The following NFILZ variants were observed in gnomAD, a reference collection of about 807,000 sequenced individuals.
NFILZ encodes NFIL3 like basic leucine zipper.
rs367777602 is a variant in NFILZ at position 8,631,830 on chromosome 19, T to TTATGTGTGTGTGTGTG, written c.-410-645_-410-644insATGTGTGTGTGTGTGT. ...GGCTTGGTCACTCCAGTCCTCGCTT[T>TTATGTGTGTGTGTGTG]TGTGTGTGTGTGTGTGTGTGTGTGT... On this transcript the variant is annotated intron_variant, in intron 1 of 5. Transcript: ENST00000691075. 5.1e-4 allele frequency among the ~76,000 whole-genome samples: 75 copies of TTATGTGTGTGTGTGTG among 146,008 alleles called. 1 individual carries two copies. Among genetic ancestry groups the TTATGTGTGTGTGTGTG allele is most frequent in the African/African-American group, 1.7e-3 (67 of 39,188 alleles).
intron 3 of NFILZ, among the ~76,000 whole-genome samples, chr19:8,673,409 G>A (rs150572324): frequency 3.8e-4 from 58 of 152,270 alleles, no homozygotes; most frequent in African/African-American, 1.3e-3. Context: ...AACCCAGGGC[G>A]TCCCGTCTGG....
chr19:8,672,052 C>T (rs1315364721), intron 3 of NFILZ, among the ~76,000 whole-genome samples: 1 of 152,224 alleles, frequency 6.6e-6, no homozygotes, highest in Non-Finnish European at 1.5e-5. Context: ...CTCATTCATT[C>T]ATTCATTTAC....
chr19:8,646,512 G>C (rs2042939807), intron 3 of NFILZ, among the ~76,000 whole-genome samples: 1 of 152,144 alleles, frequency 6.6e-6, no homozygotes, highest in Non-Finnish European at 1.5e-5. Context: ...AAGGAGTTCT[G>C]ACTGTTTCCC....
intron 3 of NFILZ, among the ~76,000 whole-genome samples, chr19:8,636,720 G>A (rs1283459567): frequency 6.6e-6 from 1 of 151,884 alleles, no homozygotes; most frequent in African/African-American, 2.4e-5. Flanking sequence ...GCCTCCCAAA[G>A]TGCTGGGATT....
At chr19:8,671,887 A>T (rs1370976) in intron 3 of NFILZ, among the ~76,000 whole-genome samples, 1 of 151,866 alleles carries the variant, frequency 6.6e-6, no homozygotes, top group African/African-American at 2.4e-5. Context: ...GGGGGACCCC[A>T]AGTGAGGGCT....
intron 3 of NFILZ, among the ~76,000 whole-genome samples, chr19:8,650,099 A>T (rs1555747548): frequency 6.6e-6 from 1 of 150,668 alleles, no homozygotes; most frequent in East Asian, 2.0e-4. Context: ...TGGCCAGCTG[A>T]GCAAGACTCC....
intron 3 of NFILZ, among the ~76,000 whole-genome samples, chr19:8,653,011 C>CCTTTCTTT (rs1568420439): frequency 3.8e-5 from 2 of 52,894 alleles, no homozygotes; most frequent in African/African-American, 1.6e-4. Flanking sequence ...TTCCTTCCTT[C>CCTTTCTTT]CTTTCTTTCT....
At position 8,680,063 on chromosome 19, in the gene NFILZ, G is replaced by A. The variant is rs2146179925; in HGVS notation, c.*2428G>A. Among the ~76,000 whole-genome samples the A allele has an allele frequency of 6.6e-6, 1 of 152,036 alleles. No homozygotes were observed. Among genetic ancestry groups the A allele is most frequent in the East Asian group, 1.9e-4 (1 of 5,160 alleles). ...ATACAAAAATTAGCCGGGCATGGTAGCGAGCGCCTGTAATCTCAGCTACTT... is the reference window on the plus strand; with the variant it reads ...ATACAAAAATTAGCCGGGCATGGTAACGAGCGCCTGTAATCTCAGCTACTT... On this transcript the variant is annotated 3_prime_UTR_variant, in exon 6 of 6. Coordinates refer to ENST00000691075, the MANE Select transcript of NFILZ (RefSeq NM_001378600.1).
At chr19:8,643,818 A>G (rs2042928458) in intron 3 of NFILZ, among the ~76,000 whole-genome samples, 1 of 152,022 alleles carries the variant, frequency 6.6e-6, no homozygotes, top group South Asian at 2.1e-4. Flanking sequence ...GTAATTATAT[A>G]ATCCTTATAA....
intron 3 of NFILZ, among the ~76,000 whole-genome samples, chr19:8,649,202 G>C (rs1480237158): frequency 2.0e-5 from 3 of 151,756 alleles, no homozygotes; most frequent in African/African-American, 7.3e-5. Flanking sequence ...CTGGGTTCAA[G>C]CAATCCTCCC....
rs879954674 is a variant in NFILZ, at chr19:8,647,781, G to A, written c.-164+12035G>A. 1.7e-3 allele frequency among the ~76,000 whole-genome samples: 118 copies of A among 71,320 alleles called. 1 individual carries two copies. Among genetic ancestry groups the A allele is most frequent in the Middle Eastern group, 7.8e-3 (1 of 128 alleles). The allele number at this position is 71,320 out of a possible 152,430, so 46.8% of individuals were successfully genotyped here. ...CACACACACACACACGCACACATGC[G>A]CGCGCGCGCGCGCGCACACACACAC... On this transcript the variant is annotated intron_variant, in intron 3 of 5. Transcript: ENST00000691075.
intron 3 of NFILZ, among the ~76,000 whole-genome samples, chr19:8,660,589 T>TTCCC (rs1211389505): frequency 2.0e-3 from 251 of 122,822 alleles, no homozygotes; most frequent in African/African-American, 7.5e-3. Context: ...CCCTCCTTCC[T>TTCCC]TCCTTCCTTC....
In NFILZ at chr19:8,658,760, G is replaced by C. The variant is rs781803295; in HGVS notation, c.-163-15791G>C. ...CACAGTGAGGATATACCACGAGGAA[G>C]AAAGACAGGCAGTGGCGTCATGAAA... On this transcript the variant is annotated intron_variant, in intron 3 of 5. Transcript: ENST00000691075. Among the ~76,000 whole-genome samples, 5 of 152,304 alleles carry C rather than the reference G, an allele frequency of 3.3e-5. No individual in the cohort carries two copies. In the Middle Eastern group the frequency reaches 0.01, roughly 311 times the overall value.
chr19:8,665,879 G>A (rs2043059710), intron 3 of NFILZ, among the ~76,000 whole-genome samples: 1 of 152,082 alleles, frequency 6.6e-6, no homozygotes, highest in African/African-American at 2.4e-5. Context: ...GCTACCTTTT[G>A]CCTGAGTGTT....
intron 4 of NFILZ, among the ~76,000 whole-genome samples, 30 bp from the exon 5 acceptor site, chr19:8,676,319 GCTCTGTTTAC>G (rs2043109988): frequency 6.6e-6 from 1 of 152,100 alleles, no homozygotes; most frequent in Admixed American, 6.5e-5. Context: ...TCCCAAATTG[GCTCTGTTTAC>G]CTCCATGGAT....
At chr19:8,662,087 C>T (rs977944874) in intron 3 of NFILZ, among the ~76,000 whole-genome samples, 3 of 151,732 alleles carry the variant, frequency 2.0e-5, no homozygotes, top group Admixed American at 1.3e-4. Flanking sequence ...TGCCTGTAGT[C>T]CCGGCTACTT....
intron 3 of NFILZ, among the ~76,000 whole-genome samples, chr19:8,653,846 A>G (rs2042980097): frequency 6.6e-6 from 1 of 152,190 alleles, no homozygotes; most frequent in African/African-American, 2.4e-5. Context: ...CGGATGAGGG[A>G]TAAAAGGCTA....
intron 3 of NFILZ, among the ~76,000 whole-genome samples, chr19:8,673,993 C>A (rs967900950): frequency 6.6e-6 from 1 of 152,138 alleles, no homozygotes; most frequent in Non-Finnish European, 1.5e-5. Flanking sequence ...GGTGCATGCC[C>A]TCATGCCTGG....
At chr19:8,667,259 C>T (rs918569240) in intron 3 of NFILZ, among the ~76,000 whole-genome samples, 7 of 152,344 alleles carry the variant, frequency 4.6e-5, no homozygotes, top group South Asian at 4.1e-4. Context: ...AGTTAGACCT[C>T]GGTTTTGGGC....
Sources: allele counts gnomAD v4.1 joint callset (sites outside exome capture counted in the v4.1 genomes callset), GRCh38; gene constraint gnomAD v4.1.1; transcripts MANE v1.5; gene names NCBI Gene and HGNC (gene_info 2026-07-23, HGNC 2026-07-21).